The following ADD1 variants were observed in gnomAD, a reference collection of about 807,000 sequenced individuals.
ADD1 encodes the protein adducin 1, also known as alpha-adducin.
A neutral mutation model predicts 80.5 loss-of-function variants in ADD1; 24 were observed. The ratio of observed to expected loss-of-function variants is 0.30; its 90% CI spans 0.22 to 0.42. The LOEUF is 0.42. ADD1 is among the 10% of genes least tolerant of loss of function. ADD1 has a pLI of 1.00. For missense variants in ADD1, 948 were observed against 1,019.0 expected (o/e 0.93, Z 0.95); for synonymous variants, 373 against 393.8 (o/e 0.95, Z 0.63).
chr4:2,846,839 C>T (rs1339388797), intron 1 of ADD1, among the ~76,000 whole-genome samples: 1 of 147,394 alleles, frequency 6.8e-6, no homozygotes, highest in Admixed American at 6.8e-5. Context: ...AAAAAAAAGC[C>T]GAGCGTGGTG....
intron 4 of ADD1, chr4:2,887,485 C>T (rs1733580211): frequency 6.6e-6 from 1 of 151,192 alleles, no homozygotes; most frequent in Admixed American, 6.6e-5. Flanking sequence ...CGGGGTGGCC[C>T]AGTTAGCACA....
At chr4:2,899,456 T>A (rs1192402807) in intron 9 of ADD1, 21 bp downstream of exon 9, 1 of 1,613,984 alleles carries the variant, frequency 6.2e-7, no homozygotes, top group Non-Finnish European at 8.5e-7. Flanking sequence ...TGCCACCACT[T>A]GATGATAAAC....
chr4:2,891,264 C>T (rs1184713336), intron 4 of ADD1, among the ~76,000 whole-genome samples: 2 of 152,090 alleles, frequency 1.3e-5, no homozygotes, highest in Non-Finnish European at 2.9e-5. Context: ...ACCAGCCTGG[C>T]TGACGTGGTG....
chr4:2,925,427 C>G (rs1348591054), intron 14 of ADD1, among the ~76,000 whole-genome samples: 1 of 152,138 alleles, frequency 6.6e-6, no homozygotes, highest in Non-Finnish European at 1.5e-5. Flanking sequence ...CCATATTTTC[C>G]CCGAAATGAG....
chr4:2,928,092 T>G (rs961431109), intron 15 of ADD1, 79 bp from the exon 16 acceptor site: 60 of 1,290,578 alleles, frequency 4.6e-5, no homozygotes, highest in Non-Finnish European at 6.0e-5. Flanking sequence ...CAGTTTCGTG[T>G]GTGGGGCTCC....
intron 2 of ADD1, among the ~76,000 whole-genome samples, chr4:2,877,497 A>G (rs539342909): frequency 1.3e-5 from 2 of 152,180 alleles, no homozygotes; most frequent in African/African-American, 4.8e-5. Flanking sequence ...GTAACTACCC[A>G]GATCAAGTCT....
At chr4:2,884,123 G>A (rs529754910) in intron 3 of ADD1, among the ~76,000 whole-genome samples, 12 of 152,254 alleles carry the variant, frequency 7.9e-5, no homozygotes, top group African/African-American at 2.2e-4. Flanking sequence ...TAATGTATAC[G>A]TTTAATGCTG....
At chr4:2,882,322 A>G (rs59150074) in intron 3 of ADD1, among the ~76,000 whole-genome samples, 36,998 of 152,136 alleles carry the variant, frequency 0.24, 4,903 homozygotes, top group Non-Finnish European at 0.28. Flanking sequence ...CCCAGCCCCT[A>G]TGTAGATTAA....
intron 6 of ADD1, among the ~76,000 whole-genome samples, chr4:2,897,572 T>G (rs1275532278): frequency 1.5e-5 from 2 of 130,238 alleles, no homozygotes; most frequent in Non-Finnish European, 3.1e-5. Context: ...TTTTAGGAGA[T>G]GAGGGTCTCA....
At chr4:2,844,649 C>T (rs944324771) in intron 1 of ADD1, 7 of 152,096 alleles carry the variant, frequency 4.6e-5, no homozygotes, top group Non-Finnish European at 1.0e-4. Context: ...TATCTTTGCT[C>T]TTGTAATGGC....
At chr4:2,882,625 A>G (rs1732547404) in intron 3 of ADD1, among the ~76,000 whole-genome samples, 1 of 152,228 alleles carries the variant, frequency 6.6e-6, no homozygotes, top group African/African-American at 2.4e-5. Flanking sequence ...CTGGTTGGAT[A>G]GTCAAATCTG....
chr4:2,882,861 TTTG>T (rs368247009), intron 3 of ADD1, among the ~76,000 whole-genome samples: 421 of 152,280 alleles, frequency 2.8e-3, no homozygotes, highest in African/African-American at 8.8e-3. Flanking sequence ...TCCGTTTTTT[TTTG>T]TTGTTGTTGT....
intron 2 of ADD1, among the ~76,000 whole-genome samples, chr4:2,879,154 A>T (rs751699718): frequency 2.9e-4 from 44 of 152,158 alleles, no homozygotes; most frequent in Non-Finnish European, 5.0e-4. Flanking sequence ...GTTATGATCA[A>T]AGTAGCACAC....
At chr4:2,852,083 G>T (rs1038879439) in intron 1 of ADD1, among the ~76,000 whole-genome samples, 1 of 151,940 alleles carries the variant, frequency 6.6e-6, no homozygotes, top group Non-Finnish European at 1.5e-5. Context: ...TGATCTGCCC[G>T]CCTCAGCCTC....
chr4:2,886,153 C>T (rs1361271812), intron 4 of ADD1, among the ~76,000 whole-genome samples: 2 of 152,200 alleles, frequency 1.3e-5, no homozygotes, highest in Non-Finnish European at 2.9e-5. Context: ...ACCAATACTT[C>T]CATCTCTCTT....
intron 6 of ADD1, among the ~76,000 whole-genome samples, chr4:2,895,407 G>C (rs1164747915): frequency 1.3e-5 from 2 of 152,094 alleles, no homozygotes; most frequent in African/African-American, 2.4e-5. Flanking sequence ...GAGAGGGCAA[G>C]CTGGGGTGGT....
intron 9 of ADD1, chr4:2,902,852 C>T (rs1736409547): frequency 6.6e-6 from 1 of 151,690 alleles, no homozygotes; most frequent in Non-Finnish European, 1.5e-5. Flanking sequence ...CAGTGAAACT[C>T]CGTCTCTACT....
chr4:2,885,432 A>G (rs541646299), intron 4 of ADD1, among the ~76,000 whole-genome samples: 1 of 152,238 alleles, frequency 6.6e-6, no homozygotes, highest in South Asian at 2.1e-4. Context: ...AGCCTTCTCT[A>G]CTATCTTTGA....
Position 2,909,366 on chromosome 4 carries a change from A to G in ADD1, c.1726A>G (p.Thr576Ala). 1 of 1,550,478 alleles carries G rather than the reference A, an allele frequency of 6.4e-7. No homozygotes were observed. The highest frequency in any genetic ancestry group is 1.4e-5 in the African/African-American group (1 of 73,132). ...QDAPLSDCTE[T>A]IEGLELTEQT... ...TGCACCTCTCTCTGACTGTACGGAAACTATCGAAGGGCTCGAGCTTACAGA... is the reference window on the plus strand; with the variant it reads ...TGCACCTCTCTCTGACTGTACGGAAGCTATCGAAGGGCTCGAGCTTACAGA... The change falls in exon 13 of 16, where the codon ACT becomes GCT. Residue 576 changes from threonine to alanine, a missense_variant. Coordinates refer to ENST00000683351, the MANE Select transcript of ADD1 (RefSeq NM_001354761.2).
Sources: allele counts gnomAD v4.1 joint callset (sites outside exome capture counted in the v4.1 genomes callset), GRCh38; gene constraint gnomAD v4.1.1; transcripts MANE v1.5; gene names NCBI Gene and HGNC (gene_info 2026-07-23, HGNC 2026-07-21).